SUFU: variants seen among roughly 807,000 people sequenced by gnomAD.
SUFU encodes suppressor of fused homolog.
In SUFU, 7 loss-of-function variants were observed where a neutral mutation model predicts 58.9. That is an observed-to-expected ratio of 0.12 (90% CI 0.07 to 0.22). SUFU has a LOEUF of 0.22. Ranked by LOEUF, SUFU falls within the 10% of genes least tolerant of loss-of-function variation. SUFU has a pLI of 1.00. For synonymous variants in SUFU, 232 were observed against 254.8 expected, an observed-to-expected ratio of 0.91 and a Z score of 0.85; for missense variants, 451 against 641.3, an observed-to-expected ratio of 0.70 and a Z score of 3.20.
intron 3 of SUFU, among the ~76,000 whole-genome samples, chr10:102,567,279 G>A (rs1335247331): frequency 1.3e-5 from 2 of 151,776 alleles, no homozygotes; most frequent in Admixed American, 1.3e-4. Context: ...CCAAAGTGCT[G>A]GGATTACAGG....
At chr10:102,511,497 G>A (rs530357196) in intron 2 of SUFU, among the ~76,000 whole-genome samples, 91 of 152,240 alleles carry the variant, frequency 6.0e-4, no homozygotes, top group African/African-American at 1.9e-3. Flanking sequence ...GTATCATAAA[G>A]AAGATGATGA....
chr10:102,531,082 CAAAAA>C (rs5787463), intron 2 of SUFU, among the ~76,000 whole-genome samples: 6 of 95,418 alleles, frequency 6.3e-5, no homozygotes, highest in Non-Finnish European at 1.0e-4. Flanking sequence ...CCATTTCTAC[CAAAAA>C]AAAAAAAAAA....
intron 2 of SUFU, among the ~76,000 whole-genome samples, chr10:102,528,052 T>C (rs1419324624): frequency 2.6e-5 from 4 of 152,172 alleles, no homozygotes; most frequent in Non-Finnish European, 2.9e-5. Context: ...AGCTACCATA[T>C]TGATGCCAAG....
intron 8 of SUFU, among the ~76,000 whole-genome samples, chr10:102,607,081 C>T (rs1208924874): frequency 5.6e-5 from 8 of 142,120 alleles, no homozygotes; most frequent in Non-Finnish European, 9.1e-5. Context: ...TTTTTTGAGA[C>T]GGCGTCTGAC....
At chr10:102,522,799 G>A (rs140851626) in intron 2 of SUFU, among the ~76,000 whole-genome samples, 50 of 152,294 alleles carry the variant, frequency 3.3e-4, no homozygotes, top group African/African-American at 9.1e-4. Flanking sequence ...AATCTGCTCC[G>A]TAGATTGTCA....
chr10:102,612,394 A>ATTC (rs2063636368), intron 8 of SUFU, among the ~76,000 whole-genome samples: 1 of 152,188 alleles, frequency 6.6e-6, no homozygotes, highest in Non-Finnish European at 1.5e-5. Context: ...TGTCACATTA[A>ATTC]TTCTTCAGAT....
At chr10:102,583,371 A>C (rs2063302315) in intron 3 of SUFU, among the ~76,000 whole-genome samples, 1 of 152,090 alleles carries the variant, frequency 6.6e-6, no homozygotes, top group Non-Finnish European at 1.5e-5. Context: ...TCCCCACTTT[A>C]ACTCAGGAGT....
intron 2 of SUFU, among the ~76,000 whole-genome samples, chr10:102,530,357 A>G (rs1336572715): frequency 4.6e-5 from 7 of 151,910 alleles, no homozygotes; most frequent in African/African-American, 1.7e-4. Context: ...CCCTGTCTCT[A>G]AGCCAGGCTC....
At chr10:102,572,196 G>C (rs1167722810) in intron 3 of SUFU, among the ~76,000 whole-genome samples, 1 of 151,278 alleles carries the variant, frequency 6.6e-6, no homozygotes, top group African/African-American at 2.4e-5. Flanking sequence ...CTCCCGAGTA[G>C]CTGGGATTAC....
At chr10:102,580,035 C>CCCCG (rs1554850794) in intron 3 of SUFU, among the ~76,000 whole-genome samples, 16 of 121,212 alleles carry the variant, frequency 1.3e-4, no homozygotes, top group South Asian at 8.5e-4. Flanking sequence ...CCGCACCCCC[C>CCCCG]CCCCGCCCCC....
chr10:102,567,187 A>G (rs1336902184), intron 3 of SUFU, among the ~76,000 whole-genome samples: 1 of 150,052 alleles, frequency 6.7e-6, no homozygotes. Context: ...AATTTTTTGT[A>G]TTTTTATTAG....
chr10:102,528,240 A>G (rs1305057468), intron 2 of SUFU, among the ~76,000 whole-genome samples: 2 of 152,208 alleles, frequency 1.3e-5, no homozygotes, highest in Non-Finnish European at 2.9e-5. Context: ...CCACCCTGCA[A>G]GAAAGGGTCT....
At chr10:102,547,758 G>T (rs907877432) in intron 2 of SUFU, among the ~76,000 whole-genome samples, 2 of 152,068 alleles carry the variant, frequency 1.3e-5, no homozygotes, top group Non-Finnish European at 2.9e-5. Context: ...GGAGGTCAAG[G>T]CTACAGTGAG....
intron 3 of SUFU, among the ~76,000 whole-genome samples, chr10:102,565,656 T>G (rs1480721284): frequency 6.6e-6 from 1 of 152,206 alleles, no homozygotes; most frequent in East Asian, 1.9e-4. Flanking sequence ...GGCATTCTCC[T>G]GCCTTAGCCT....
chr10:102,594,387 C>A (rs552033163), intron 6 of SUFU, among the ~76,000 whole-genome samples: 1 of 152,308 alleles, frequency 6.6e-6, no homozygotes, highest in Admixed American at 6.5e-5. Context: ...GCCCAGTATT[C>A]ATTCTCCTGC....
At chr10:102,579,326 G>A (rs900653374) in intron 3 of SUFU, among the ~76,000 whole-genome samples, 1 of 152,202 alleles carries the variant, frequency 6.6e-6, no homozygotes, top group East Asian at 1.9e-4. Context: ...TCTAGCTAGC[G>A]AAACTGCATC....
intron 3 of SUFU, among the ~76,000 whole-genome samples, chr10:102,584,778 G>C (rs2063319964): frequency 6.6e-6 from 1 of 152,164 alleles, no homozygotes; most frequent in South Asian, 2.1e-4. Context: ...GAAAAATACA[G>C]GTAAGTAATG....
intron 8 of SUFU, among the ~76,000 whole-genome samples, chr10:102,604,443 G>A (rs1590071940): frequency 6.6e-6 from 1 of 152,142 alleles, no homozygotes; most frequent in Admixed American, 6.5e-5. Flanking sequence ...TGAAGTCACG[G>A]CCATTGTTAA....
At chr10:102,604,309 G>T (rs1292455098) in intron 8 of SUFU, among the ~76,000 whole-genome samples, 4 of 152,226 alleles carry the variant, frequency 2.6e-5, no homozygotes, top group Non-Finnish European at 4.4e-5. Flanking sequence ...GTCATGCCAA[G>T]TGCCTTTACA....
Sources: allele counts gnomAD v4.1 joint callset (sites outside exome capture counted in the v4.1 genomes callset), GRCh38; gene constraint gnomAD v4.1.1; transcripts MANE v1.5; gene names NCBI Gene and HGNC (gene_info 2026-07-23, HGNC 2026-07-21).